The following GUCY1A2 variants were observed in gnomAD, a reference collection of about 807,000 sequenced individuals.
GUCY1A2 encodes guanylate cyclase soluble subunit alpha-2.
Under a neutral mutation model 63.5 loss-of-function variants are expected in GUCY1A2, and 27 were observed. That is an observed-to-expected ratio of 0.43 (90% CI 0.31 to 0.59). The LOEUF (loss-of-function observed/expected upper bound fraction) is 0.59, where lower values mean the gene tolerates loss of function less well. Among genes scored for constraint, GUCY1A2 ranks in the 20% least tolerant of loss-of-function variants. The pLI, the probability that GUCY1A2 is intolerant of heterozygous loss-of-function variation, is 0.11. For synonymous variants in GUCY1A2, 364 were observed against 343.5 expected (o/e 1.06, Z -0.66); for missense variants, 768 against 913.3 (o/e 0.84, Z 2.05).
chr11:106,870,803 T>C (rs1012626390), intron 4 of GUCY1A2, among the ~76,000 whole-genome samples: 1 of 152,154 alleles, frequency 6.6e-6, no homozygotes, highest in Non-Finnish European at 1.5e-5. Context: ...TTCATTCTTT[T>C]GTTTTAATTA....
chr11:106,685,300 C>T lies in GUCY1A2; in HGVS notation c.*2249G>A, dbSNP rs892203791. 15 of 206,228 alleles carry T rather than the reference C, an allele frequency of 7.3e-5. No individual in the cohort carries two copies. The highest frequency in any genetic ancestry group is 1.5e-4 in the Non-Finnish European group (15 of 101,080). The allele number at this position is 206,228 out of a possible 1,614,324, so 12.8% of individuals were successfully genotyped here. ...TCTGATAAATTGAGATATATAAATA[C>T]AATACTTCTCTCCAGGCCTATCACT... On this transcript the variant is annotated 3_prime_UTR_variant, in exon 8 of 8. Coordinates refer to ENST00000526355, the MANE Select transcript of GUCY1A2 (RefSeq NM_000855.3).
chr11:106,724,028 G>C (rs1233995617), intron 6 of GUCY1A2, among the ~76,000 whole-genome samples: 1 of 152,164 alleles, frequency 6.6e-6, no homozygotes, highest in Non-Finnish European at 1.5e-5. Flanking sequence ...TTCCCGTTCA[G>C]TTTACTTTTT....
intron 1 of GUCY1A2, among the ~76,000 whole-genome samples, chr11:106,990,386 G>A (rs558662261): frequency 2.0e-5 from 3 of 152,304 alleles, no homozygotes; most frequent in East Asian, 1.9e-4. Context: ...CATGAGATCC[G>A]AACAGCCAAC....
chr11:106,740,657 TG>T (rs1863678114), intron 6 of GUCY1A2, among the ~76,000 whole-genome samples: 1 of 91,442 alleles, frequency 1.1e-5, no homozygotes, highest in Non-Finnish European at 2.9e-5. Context: ...ACTGTATGTA[TG>T]TATGTATGTA....
rs778098734 is a variant in GUCY1A2, at chr11:106,685,090, C to G, written c.*2459G>C. The G allele has an allele frequency of 1.4e-5, 3 of 207,626 alleles. No individual in the cohort carries two copies. The highest frequency in any genetic ancestry group is 2.9e-5 in the Non-Finnish European group (3 of 102,002). 12.9% of individuals were successfully genotyped at this position (207,626 alleles called of 1,614,324 possible). A position where few individuals can be genotyped will look rare whatever the true frequency, so the allele number is the denominator to read the frequency against. ...TTAGCAAAATGATAACAAATTGGAC[C>G]ATTATCTCGGACTATAGCTGTGAAA... On this transcript the variant is annotated 3_prime_UTR_variant, in exon 8 of 8. Transcript: ENST00000526355.
At chr11:106,858,459 T>C (rs1859466545) in intron 4 of GUCY1A2, among the ~76,000 whole-genome samples, 1 of 152,096 alleles carries the variant, frequency 6.6e-6, no homozygotes, top group East Asian at 1.9e-4. Context: ...GCCTGTGAAA[T>C]AGATACTACT....
chr11:106,901,270 T>G (rs1860129425), intron 4 of GUCY1A2, among the ~76,000 whole-genome samples: 1 of 152,186 alleles, frequency 6.6e-6, no homozygotes. Flanking sequence ...ATCTATGTAG[T>G]CACATCTTCA....
chr11:106,707,928 C>T (rs747386950), intron 7 of GUCY1A2, among the ~76,000 whole-genome samples: 6 of 151,958 alleles, frequency 3.9e-5, no homozygotes, highest in Admixed American at 1.3e-4. Context: ...AGAACCAACA[C>T]GATACTGAAA....
At chr11:106,943,627 C>T (rs370303379) in intron 3 of GUCY1A2, among the ~76,000 whole-genome samples, 1 of 152,288 alleles carries the variant, frequency 6.6e-6, no homozygotes, top group East Asian at 1.9e-4. Flanking sequence ...CTATCACTGG[C>T]ATAATGCCTG....
Position 106,939,922 on chromosome 11 carries a change from A to G in GUCY1A2, c.744T>C (p.Phe248=), listed in dbSNP as rs1364713997. ...HYFHPHHIVG[F]AMLGMIKAAG... The stretch of plus-strand genomic sequence containing the variant: ...CAGCCTTAATCATCCCCAGCATTGC[A>G]AACCCCACAATATGGTGAGGGTGGA... The change falls in exon 4 of 8, where the codon TTT becomes TTC. Residue 248 remains phenylalanine (F), a synonymous_variant. Coordinates refer to ENST00000526355, the MANE Select transcript of GUCY1A2 (RefSeq NM_000855.3). The G allele has an allele frequency of 4.3e-6, 7 of 1,614,070 alleles. No individual in the cohort carries two copies. Among genetic ancestry groups the G allele is most frequent in the Non-Finnish European group, 5.9e-6 (7 of 1,179,932 alleles).
intron 4 of GUCY1A2, among the ~76,000 whole-genome samples, chr11:106,911,180 T>C (rs1178037026): frequency 6.6e-6 from 1 of 151,984 alleles, no homozygotes; most frequent in East Asian, 1.9e-4. Flanking sequence ...AATTTAATGT[T>C]TTTACCTAGA....
At chr11:106,783,448 G>C (rs1261481995) in intron 5 of GUCY1A2, among the ~76,000 whole-genome samples, 1 of 151,936 alleles carries the variant, frequency 6.6e-6, no homozygotes, top group Non-Finnish European at 1.5e-5. Context: ...TCCATGGGCT[G>C]CCCTGCTGAA....
chr11:106,838,692 A>G (rs1213858997), intron 4 of GUCY1A2, among the ~76,000 whole-genome samples: 1 of 152,008 alleles, frequency 6.6e-6, no homozygotes, highest in East Asian at 1.9e-4. Flanking sequence ...GTGAGATCAT[A>G]TCTCATTGTG....
In GUCY1A2 at chr11:106,679,375, AT is replaced by A. The variant is rs1266940661; in HGVS notation, c.*8173del. The stretch of plus-strand genomic sequence containing the variant: ...CACATTCTGTAAGAGACAGATGGAC[AT>A]TTTTCTGCTCTAAAGTTCCACACTT... On this transcript the variant is annotated 3_prime_UTR_variant, in exon 8 of 8. Transcript: ENST00000526355. 1.0e-5 allele frequency: 2 copies of A among 194,386 alleles called. No homozygotes were observed. Among genetic ancestry groups the A allele is most frequent in the Non-Finnish European group, 2.1e-5 (2 of 93,522 alleles). 12.0% of individuals were successfully genotyped at this position (194,386 alleles called of 1,614,324 possible).
chr11:106,752,952 T>G (rs891043123), intron 6 of GUCY1A2, among the ~76,000 whole-genome samples: 11 of 152,284 alleles, frequency 7.2e-5, no homozygotes, highest in African/African-American at 2.4e-4. Context: ...TCCACAATGG[T>G]TGAACTAATT....
chr11:106,811,060 G>A (rs1302337340), intron 4 of GUCY1A2, among the ~76,000 whole-genome samples: 1 of 151,846 alleles, frequency 6.6e-6, no homozygotes, highest in Non-Finnish European at 1.5e-5. Context: ...CAGATATTAA[G>A]CTAGCATTAT....
intron 5 of GUCY1A2, among the ~76,000 whole-genome samples, chr11:106,797,093 A>G (rs1864777634): frequency 2.0e-5 from 3 of 152,164 alleles, no homozygotes; most frequent in Admixed American, 2.0e-4. Flanking sequence ...TGTGTTCATC[A>G]CATAGTTCTC....
At chr11:106,951,313 C>A (rs564344411) in intron 3 of GUCY1A2, among the ~76,000 whole-genome samples, 1 of 152,290 alleles carries the variant, frequency 6.6e-6, no homozygotes, top group Non-Finnish European at 1.5e-5. Context: ...TGAGGAATCG[C>A]CACACTGTCT....
At chr11:106,841,766 TCCC>T (rs1859201722) in intron 4 of GUCY1A2, among the ~76,000 whole-genome samples, 1 of 151,900 alleles carries the variant, frequency 6.6e-6, no homozygotes, top group Non-Finnish European at 1.5e-5. Flanking sequence ...TCTTAGAAAT[TCCC>T]CCTTGTGCTT....
Sources: allele counts gnomAD v4.1 joint callset (sites outside exome capture counted in the v4.1 genomes callset), GRCh38; gene constraint gnomAD v4.1.1; transcripts MANE v1.5; gene names NCBI Gene and HGNC (gene_info 2026-07-23, HGNC 2026-07-21).